TTC23L: variants seen among roughly 807,000 people sequenced by gnomAD.
The protein encoded by TTC23L is tetratricopeptide repeat protein 23-like.
In TTC23L, 42 loss-of-function variants were observed where a neutral mutation model predicts 48.1. The ratio of observed to expected loss-of-function variants is 0.87; its 90% CI spans 0.68 to 1.13. The LOEUF is 1.13. Among genes scored for constraint, TTC23L ranks in the 50% most tolerant of loss-of-function variants. TTC23L has a pLI of 0.00. For synonymous variants in TTC23L, 159 were observed against 157.2 expected, an observed-to-expected ratio of 1.01 and a Z score of -0.09; for missense variants, 391 against 421.0, an observed-to-expected ratio of 0.93 and a Z score of 0.62.
At chr5:34,867,247 C>G in intron 7 of TTC23L, 178 bp downstream of exon 7, 1 of 666,542 alleles carries the variant, frequency 1.5e-6, no homozygotes, top group Non-Finnish European at 2.6e-6. Flanking sequence ...ATGACCAGGC[C>G]AGAGAACACT....
intron 9 of TTC23L, among the ~76,000 whole-genome samples, chr5:34,895,520 T>C (rs1342964930): frequency 1.3e-5 from 2 of 152,254 alleles, no homozygotes; most frequent in Non-Finnish European, 2.9e-5. Flanking sequence ...ACCGAAAAGT[T>C]ATTTTGATAT....
intron 3 of TTC23L, among the ~76,000 whole-genome samples, chr5:34,849,022 T>C (rs1408367606): frequency 2.0e-5 from 3 of 152,222 alleles, no homozygotes; most frequent in Non-Finnish European, 4.4e-5. Context: ...AGGATGCTAG[T>C]GAACAATTCA....
the TTC23L span, chr5:34,914,895 T>G: frequency 2.5e-6 from 4 of 1,613,762 alleles, no homozygotes; most frequent in Non-Finnish European, 3.4e-6. Flanking sequence ...AGGGGCATCG[T>G]CCACTGCGCA....
At chr5:34,911,641 G>C in the TTC23L span, 2 of 1,614,110 alleles carry the variant, frequency 1.2e-6, no homozygotes, top group Non-Finnish European at 1.7e-6. Flanking sequence ...GAGCCCCTCT[G>C]ACTGCAGAAT....
At chr5:34,925,437 G>A in the TTC23L span, 20 of 1,613,484 alleles carry the variant, frequency 1.2e-5, no homozygotes, top group African/African-American at 2.7e-5. Context: ...AGAAAGAAAC[G>A]GATTTACAAA....
the TTC23L span, chr5:34,909,016 G>T: frequency 7.4e-7 from 1 of 1,351,380 alleles, no homozygotes; most frequent in Non-Finnish European, 1.0e-6. Context: ...CCCAAGTAAA[G>T]GATAAAAAGT....
intron 9 of TTC23L, among the ~76,000 whole-genome samples, chr5:34,882,052 C>G (rs1298512339): frequency 6.6e-6 from 1 of 152,158 alleles, no homozygotes; most frequent in African/African-American, 2.4e-5. Flanking sequence ...CAGCACCCGG[C>G]CGGTTCAGAA....
intron 8 of TTC23L, among the ~76,000 whole-genome samples, chr5:34,876,976 T>TAA (rs1362088586): frequency 6.6e-6 from 1 of 151,588 alleles, no homozygotes; most frequent in Non-Finnish European, 1.5e-5. Context: ...CCCCAGAACT[T>TAA]AAAGTATAAT....
At chr5:34,853,241 T>A (rs1759826084) in intron 4 of TTC23L, among the ~76,000 whole-genome samples, 1 of 152,040 alleles carries the variant, frequency 6.6e-6, no homozygotes, top group South Asian at 2.1e-4. Flanking sequence ...TCAGAAGTAG[T>A]GTGTAGTGGC....
chr5:34,915,125 A>G, the TTC23L span, among the ~76,000 whole-genome samples: 10 of 152,314 alleles, frequency 6.6e-5, no homozygotes, highest in Middle Eastern at 3.4e-3. Flanking sequence ...AAAATTATCT[A>G]AGCTACGGTT....
At chr5:34,915,071 C>A in the TTC23L span, 1 of 606,348 alleles carries the variant, frequency 1.6e-6, no homozygotes, top group Non-Finnish European at 2.9e-6. Flanking sequence ...CTGACCAGGC[C>A]GAACCCCACC....
the TTC23L span, among the ~76,000 whole-genome samples, chr5:34,909,955 A>AT: frequency 6.6e-6 from 1 of 152,074 alleles, no homozygotes; most frequent in Non-Finnish European, 1.5e-5. Flanking sequence ...CCTAAGCTCC[A>AT]TTTCTGCCTC....
Position 34,840,685 on chromosome 5 carries a change from C to T in TTC23L, c.14C>T (p.Pro5Leu), listed in dbSNP as rs753254894. The change falls in exon 2 of 11, where the codon CCC becomes CTC. Residue 5 changes from proline (P) to leucine (L), a missense_variant. Coordinates refer to ENST00000505624, the Ensembl canonical transcript of TTC23L. ...GGTAGGAAGAAGATGCAAGCCAGCC[C>T]CATCCGTATCCCAACTGTTAGCAAT... is the stretch of plus-strand genomic sequence containing the variant. 4 of 1,613,944 alleles carry T rather than the reference C, an allele frequency of 2.5e-6. No homozygotes were observed. In the South Asian group the frequency reaches 3.3e-5, roughly 13 times the overall value.
At chr5:34,859,871 TCTCA>T (rs1475781770) in intron 4 of TTC23L, among the ~76,000 whole-genome samples, 3 of 129,568 alleles carry the variant, frequency 2.3e-5, no homozygotes, top group Non-Finnish European at 4.8e-5. Context: ...TGAGACGGAA[TCTCA>T]CTCTGTTGTC....
At chr5:34,861,582 A>C (rs921970684) in intron 4 of TTC23L, 1 of 152,226 alleles carries the variant, frequency 6.6e-6, no homozygotes, top group African/African-American at 2.4e-5. Flanking sequence ...CCCAGGGAAG[A>C]CCATGTTCCC....
chr5:34,915,032 G>A, the TTC23L span: 1 of 832,244 alleles, frequency 1.2e-6, no homozygotes, highest in Non-Finnish European at 1.9e-6. Context: ...GCGCTGAGAG[G>A]TGGAAAGGGG....
intron 4 of TTC23L, among the ~76,000 whole-genome samples, chr5:34,859,520 G>A (rs1261904795): frequency 1.3e-5 from 2 of 152,158 alleles, no homozygotes; most frequent in Non-Finnish European, 2.9e-5. Context: ...CCTTTCAGAG[G>A]TGATTAGGCT....
chr5:34,845,544 T>C lies in TTC23L; in HGVS notation c.126T>C (p.Gly42=), dbSNP rs372150829. 2.1e-4 allele frequency: 331 copies of C among 1,613,354 alleles called. 2 individuals are homozygous for C. In the East Asian group the frequency reaches 4.8e-3, roughly 23 times the overall value. The change falls in exon 3 of 11, where the codon GGT becomes GGC. Residue 42 remains glycine (G), a synonymous_variant. Transcript: ENST00000505624. ...AAACAGATGAGTTGTATCCCACTGG[T>C]GGGTGTGGAGAGAGTGAAGAGGAAA...
chr5:34,839,435 C>T (rs1008990065), intron 1 of TTC23L, 176 bp downstream of exon 1: 4 of 160,082 alleles, frequency 2.5e-5, no homozygotes, highest in Admixed American at 6.5e-5. Context: ...CGACCTGCGG[C>T]GTCAGGGCTT....
Sources: gnomAD v4.1 joint callset for allele counts (sites outside exome capture counted in the v4.1 genomes callset) on GRCh38, gnomAD v4.1.1 for gene constraint, MANE v1.5 for transcripts, NCBI Gene and HGNC (gene_info 2026-07-23, HGNC 2026-07-21) for gene names.